The following R3HDM2 variants were observed in gnomAD, a reference collection of about 807,000 sequenced individuals.
R3HDM2 encodes the protein R3H domain-containing protein 2.
Under a neutral mutation model 124.5 loss-of-function variants are expected in R3HDM2, and 38 were observed. That is an observed-to-expected ratio of 0.31 (90% CI 0.24 to 0.40). The LOEUF is 0.40. R3HDM2 is among the 10% of genes least tolerant of loss of function. The pLI is 1.00. For synonymous variants in R3HDM2, 391 were observed against 448.0 expected, an observed-to-expected ratio of 0.87 and a Z score of 1.61; for missense variants, 869 against 1,236.9, an observed-to-expected ratio of 0.70 and a Z score of 4.46.
rs1157627592 is a variant in R3HDM2, at chr12:57,255,022, G to A, written c.2724C>T (p.Gly908=). The change falls in exon 24 of 24, where the codon GGC becomes GGT. Residue 908 remains glycine (G), a synonymous_variant. Coordinates refer to ENST00000402412, the MANE Select transcript of R3HDM2 (RefSeq NM_001394031.1). ...DKLFTQLAMS[G]AKIQWLKDAQ... ...CATCCTTGAGCCACTGGATCTTGGC[G>A]CCAGACATGGCGAGCTGCGTGAAGA... 1.8e-5 allele frequency: 29 copies of A among 1,613,576 alleles called. No homozygotes were observed. The highest frequency in any genetic ancestry group is 1.2e-4 in the Admixed American group (7 of 59,952).
chr12:57,266,087 G>A (rs112150232), intron 19 of R3HDM2, among the ~76,000 whole-genome samples: 126 of 143,128 alleles, frequency 8.8e-4, no homozygotes, highest in Non-Finnish European at 1.5e-3. Flanking sequence ...GTGAGCCTCC[G>A]CACCTGGCCA....
At chr12:57,316,730 C>T (rs1005466105) in intron 2 of R3HDM2, among the ~76,000 whole-genome samples, 1 of 151,438 alleles carries the variant, frequency 6.6e-6, no homozygotes, top group African/African-American at 2.4e-5. Context: ...GGATTACAGG[C>T]ATGCACCACC....
In R3HDM2 at chr12:57,254,532, A is replaced by C. The variant is rs1276114870; in HGVS notation, c.*241T>G. On this transcript the variant is annotated 3_prime_UTR_variant, in exon 24 of 24. Transcript: ENST00000402412. ...AAAAAAAAAAAAAAAAAAGAAGAGG[A>C]TGGGAAGAAGAGTGATGCAAGGGGG... 7 of 411,278 alleles carry C rather than the reference A, an allele frequency of 1.7e-5. No individual in the cohort carries two copies. The highest frequency in any genetic ancestry group is 2.6e-5 in the Non-Finnish European group (6 of 232,844). The allele number at this position is 411,278 out of a possible 1,614,324, so 25.5% of individuals were successfully genotyped here. A position where few individuals can be genotyped will look rare whatever the true frequency, so the allele number is the denominator to read the frequency against.
intron 1 of R3HDM2, among the ~76,000 whole-genome samples, chr12:57,401,249 A>G (rs1184666949): frequency 2.0e-5 from 3 of 151,958 alleles, no homozygotes; most frequent in Non-Finnish European, 4.4e-5. Context: ...ACTTGCTTCA[A>G]CCATCAGAGT....
intron 2 of R3HDM2, among the ~76,000 whole-genome samples, chr12:57,392,919 C>T (rs2066927143): frequency 6.6e-6 from 1 of 151,214 alleles, no homozygotes; most frequent in African/African-American, 2.4e-5. Context: ...ATTCTCCTGC[C>T]TCAGTCTCCG....
chr12:57,333,672 A>G (rs934354617), intron 2 of R3HDM2, among the ~76,000 whole-genome samples: 3 of 152,024 alleles, frequency 2.0e-5, no homozygotes, highest in African/African-American at 7.2e-5. Flanking sequence ...GGGTGACAAG[A>G]GCGAAACTCC....
chr12:57,364,275 G>A (rs1256847118), intron 2 of R3HDM2, among the ~76,000 whole-genome samples: 2 of 151,118 alleles, frequency 1.3e-5, no homozygotes, highest in African/African-American at 4.9e-5. Context: ...GGCCTCCAGA[G>A]TAGCTGGGAT....
chr12:57,281,169 C>G (rs1016611035), intron 13 of R3HDM2, among the ~76,000 whole-genome samples: 8 of 151,678 alleles, frequency 5.3e-5, no homozygotes, highest in African/African-American at 1.9e-4. Context: ...CGCCTGTAAT[C>G]CCAGCTACCT....
chr12:57,407,405 TTTTC>T (rs1307485302), intron 1 of R3HDM2, among the ~76,000 whole-genome samples: 3 of 152,008 alleles, frequency 2.0e-5, no homozygotes, highest in African/African-American at 7.2e-5. Flanking sequence ...AGGAATTTTT[TTTTC>T]TTTTTTTCTT....
intron 2 of R3HDM2, among the ~76,000 whole-genome samples, chr12:57,343,698 T>C (rs2059813819): frequency 6.7e-6 from 1 of 149,488 alleles, no homozygotes; most frequent in Non-Finnish European, 1.5e-5. Flanking sequence ...GGGTTATTAC[T>C]ATGGACAGGA....
At chr12:57,427,269 C>T (rs1264322594) in intron 1 of R3HDM2, among the ~76,000 whole-genome samples, 3 of 148,852 alleles carry the variant, frequency 2.0e-5, no homozygotes, top group Non-Finnish European at 4.5e-5. Context: ...CCAGCCTGGG[C>T]GACAGACAGA....
At chr12:57,430,410 G>C (rs867337549) in intron 1 of R3HDM2, 1 of 555,320 alleles carries the variant, frequency 1.8e-6, no homozygotes, top group Non-Finnish European at 2.3e-6. Context: ...AACACACGGA[G>C]CTAGCCACCC....
chr12:57,268,164 C>T, intron 18 of R3HDM2, 139 bp downstream of exon 18: 1 of 842,214 alleles, frequency 1.2e-6, no homozygotes, highest in South Asian at 2.6e-5. Flanking sequence ...GAATGAACTC[C>T]CTCATATTCT....
intron 2 of R3HDM2, among the ~76,000 whole-genome samples, chr12:57,386,370 C>T (rs1208971653): frequency 6.6e-6 from 1 of 152,208 alleles, no homozygotes; most frequent in Non-Finnish European, 1.5e-5. Context: ...GCACGAGTTC[C>T]GGGTGGGAGT....
chr12:57,312,704 C>G (rs915107308), intron 2 of R3HDM2, among the ~76,000 whole-genome samples: 1 of 151,988 alleles, frequency 6.6e-6, no homozygotes, highest in African/African-American at 2.4e-5. Flanking sequence ...AACAATGTCT[C>G]TACTAAAAAT....
At chr12:57,272,694 T>A (rs1333483304) in intron 14 of R3HDM2, 1 of 601,000 alleles carries the variant, frequency 1.7e-6, no homozygotes, top group African/African-American at 1.9e-5. Context: ...TAGAAGAAAT[T>A]TCACATGAGT....
At chr12:57,268,588 C>T in intron 17 of R3HDM2, 131 bp from the exon 18 acceptor site, 3 of 967,086 alleles carry the variant, frequency 3.1e-6, no homozygotes, top group African/African-American at 3.3e-5. Flanking sequence ...CTGTTTTCCC[C>T]ATCTGCCTAA....
At chr12:57,364,985 A>G (rs10783824) in intron 2 of R3HDM2, among the ~76,000 whole-genome samples, 143,746 of 147,618 alleles carry the variant, frequency 0.97, 70,107 homozygotes, top group Middle Eastern at 1. Context: ...ACACCAGGCC[A>G]GGTGCAGTTG....
chr12:57,282,691 T>C (rs1347282698), intron 13 of R3HDM2, among the ~76,000 whole-genome samples: 1 of 151,074 alleles, frequency 6.6e-6, no homozygotes, highest in African/African-American at 2.4e-5. Flanking sequence ...TAAAAAGAGC[T>C]GAGAATGGAG....
Sources: allele counts gnomAD v4.1 joint callset (sites outside exome capture counted in the v4.1 genomes callset), GRCh38; gene constraint gnomAD v4.1.1; transcripts MANE v1.5; gene names NCBI Gene and HGNC (gene_info 2026-07-23, HGNC 2026-07-21).